CADPS2: variants seen among roughly 807,000 people sequenced by gnomAD.
CADPS2 encodes the protein calcium dependent secretion activator 2.
CADPS2 carries 93 observed loss-of-function variants against 172.5 expected under a neutral mutation model. The ratio of observed to expected loss-of-function variants is 0.54; its 90% CI spans 0.46 to 0.64. CADPS2 has a LOEUF of 0.64. Ranked by LOEUF, CADPS2 falls within the 30% of genes least tolerant of loss-of-function variation. The pLI is 0.00. For missense variants in CADPS2, 1,420 were observed against 1,565.9 expected (o/e 0.91, Z 1.57); for synonymous variants, 546 against 555.2 (o/e 0.98, Z 0.23).
At chr7:122,373,490 C>T (rs1023253400) in intron 25 of CADPS2, among the ~76,000 whole-genome samples, 3 of 152,136 alleles carry the variant, frequency 2.0e-5, no homozygotes, top group Admixed American at 6.5e-5. Flanking sequence ...ATCTATCCTG[C>T]CTGTGGACCC....
intron 2 of CADPS2, among the ~76,000 whole-genome samples, chr7:122,705,745 A>C (rs376136201): frequency 0.56 from 5,040 of 9,052 alleles, 1,753 homozygotes; most frequent in African/African-American, 0.59. Context: ...TATAATATAT[A>C]ATATATATAA....
At chr7:122,796,340 A>G (rs1161587332) in intron 1 of CADPS2, among the ~76,000 whole-genome samples, 1 of 152,202 alleles carries the variant, frequency 6.6e-6, no homozygotes, top group East Asian at 1.9e-4. Flanking sequence ...CATTCTTCAC[A>G]GAACTTGAAA....
chr7:122,672,764 C>A (rs886575025), intron 2 of CADPS2, among the ~76,000 whole-genome samples: 2 of 152,194 alleles, frequency 1.3e-5, no homozygotes, highest in Admixed American at 1.3e-4. Context: ...TGTGAAAATG[C>A]CACTGGGCAC....
intron 25 of CADPS2, among the ~76,000 whole-genome samples, chr7:122,363,475 G>A (rs1258276678): frequency 6.6e-6 from 1 of 152,006 alleles, no homozygotes; most frequent in Admixed American, 6.6e-5. Flanking sequence ...GCAAGATAGA[G>A]GCAGGAAGCC....
At chr7:122,681,028 A>G (rs1206398534) in intron 2 of CADPS2, among the ~76,000 whole-genome samples, 3 of 150,562 alleles carry the variant, frequency 2.0e-5, no homozygotes, top group Non-Finnish European at 3.0e-5. Context: ...CTATCGCAAG[A>G]ACAAAAAACC....
In CADPS2 at chr7:122,681,248, T is replaced by C. The variant is rs140173609; in HGVS notation, c.454-17679A>G. ...ACATATGTAATGAACCTGCACAATGTGCACATGTACCCTAAAACTTAAAGT... is the reference window on the plus strand; with the variant it reads ...ACATATGTAATGAACCTGCACAATGCGCACATGTACCCTAAAACTTAAAGT... On this transcript the variant is annotated intron_variant, in intron 2 of 29. Transcript: ENST00000449022. 1,444 of 738,236 alleles carry C rather than the reference T, an allele frequency of 2.0e-3. 29 individuals carry two copies. The East Asian group carries it at 0.035, about 18-fold the overall frequency. 45.7% of individuals were successfully genotyped at this position (738,236 alleles called of 1,614,324 possible).
chr7:122,528,528 A>G (rs2061473747), intron 8 of CADPS2, among the ~76,000 whole-genome samples: 1 of 152,142 alleles, frequency 6.6e-6, no homozygotes, highest in South Asian at 2.1e-4. Flanking sequence ...TTTAGGGGAG[A>G]ATGAATAACT....
chr7:122,662,649 A>C (rs924276749), intron 3 of CADPS2, among the ~76,000 whole-genome samples: 40 of 152,134 alleles, frequency 2.6e-4, no homozygotes, highest in African/African-American at 9.7e-4. Flanking sequence ...ATTGGGTTAC[A>C]GGCGTGAGCC....
intron 8 of CADPS2, among the ~76,000 whole-genome samples, chr7:122,545,359 T>C (rs1242038137): frequency 6.6e-6 from 1 of 152,060 alleles, no homozygotes; most frequent in Non-Finnish European, 1.5e-5. Flanking sequence ...TGGCAGGATT[T>C]GGTAAAAGAG....
chr7:122,641,847 G>T (rs2077680429), intron 3 of CADPS2, among the ~76,000 whole-genome samples: 1 of 150,462 alleles, frequency 6.6e-6, no homozygotes, highest in African/African-American at 2.5e-5. Flanking sequence ...CTCTCCAGGA[G>T]TTCATATGTT....
At chr7:122,412,036 T>A (rs1328804599) in intron 19 of CADPS2, among the ~76,000 whole-genome samples, 1 of 152,226 alleles carries the variant, frequency 6.6e-6, no homozygotes, top group East Asian at 1.9e-4. Flanking sequence ...GGTAGAGCAT[T>A]CATGCTCATG....
At chr7:122,695,154 A>T (rs1357268011) in intron 2 of CADPS2, among the ~76,000 whole-genome samples, 1 of 152,244 alleles carries the variant, frequency 6.6e-6, no homozygotes, top group Non-Finnish European at 1.5e-5. Context: ...TCCTATAACA[A>T]GAGGTACTGT....
chr7:122,346,176 G>A (rs1213097550), intron 27 of CADPS2, among the ~76,000 whole-genome samples: 1 of 151,898 alleles, frequency 6.6e-6, no homozygotes, highest in Non-Finnish European at 1.5e-5. Flanking sequence ...AGACCAGCCT[G>A]GTCAACATGA....
At chr7:122,399,208 A>C (rs1242204565) in intron 20 of CADPS2, among the ~76,000 whole-genome samples, 2 of 152,148 alleles carry the variant, frequency 1.3e-5, no homozygotes, top group Non-Finnish European at 2.9e-5. Flanking sequence ...ATAATGAAAA[A>C]ATTTCATAGA....
chr7:122,582,146 T>C (rs1451467935), intron 6 of CADPS2, among the ~76,000 whole-genome samples: 1 of 152,068 alleles, frequency 6.6e-6, no homozygotes, highest in Non-Finnish European at 1.5e-5. Flanking sequence ...TTTAACAAAA[T>C]ACAGATCATG....
chr7:122,377,134 C>T (rs949234112), intron 25 of CADPS2, among the ~76,000 whole-genome samples: 9 of 151,988 alleles, frequency 5.9e-5, no homozygotes, highest in South Asian at 2.1e-4. Flanking sequence ...CAGTATTATA[C>T]GAGGCTCTTT....
intron 1 of CADPS2, among the ~76,000 whole-genome samples, chr7:122,878,802 CTTGTT>C (rs1484146724): frequency 3.3e-5 from 5 of 152,106 alleles, no homozygotes; most frequent in African/African-American, 9.6e-5. Flanking sequence ...GGATTATTTG[CTTGTT>C]TTATTTTCTT....
rs952977868 is a variant in CADPS2, at chr7:122,574,141, TA to T, written c.1335+7037del. Among the ~76,000 whole-genome samples the T allele has an allele frequency of 1.7e-4, 26 of 151,230 alleles. 1 individual carries two copies. The highest frequency in any genetic ancestry group is 5.8e-4 in the African/African-American group (24 of 41,246). On this transcript the variant is annotated intron_variant, in intron 7 of 29. Coordinates refer to ENST00000449022, the MANE Select transcript of CADPS2 (RefSeq NM_017954.11). The stretch of plus-strand genomic sequence containing the variant: ...GTTGAGAAGCAGTAAACTCATGTTT[TA>T]AAAAAAAATGTGTATTTCTTGGGCT...
intron 1 of CADPS2, among the ~76,000 whole-genome samples, chr7:122,780,842 C>A (rs1307310828): frequency 6.6e-6 from 1 of 152,096 alleles, no homozygotes; most frequent in Non-Finnish European, 1.5e-5. Context: ...ACACTCTATT[C>A]CCTCTGACAG....
Sources: allele counts gnomAD v4.1 joint callset (sites outside exome capture counted in the v4.1 genomes callset), GRCh38; gene constraint gnomAD v4.1.1; transcripts MANE v1.5; gene names NCBI Gene and HGNC (gene_info 2026-07-23, HGNC 2026-07-21).